Variants in SORT1 observed in about 807,000 individuals in gnomAD.
SORT1 encodes the protein sortilin 1.
SORT1 carries 39 observed loss-of-function variants against 101.7 expected under a neutral mutation model. The observed-to-expected ratio is 0.38, with a 90% CI of 0.30 to 0.50. The LOEUF is 0.50. SORT1 is among the 20% of genes least tolerant of loss of function. The pLI, the probability that SORT1 is intolerant of heterozygous loss-of-function variation, is 0.90. For missense variants in SORT1, 878 were observed against 1,040.4 expected (o/e 0.84, Z 2.15); for synonymous variants, 396 against 393.7 (o/e 1.01, Z -0.07).
chr1:109,316,797 A>T, intron 17 of SORT1, 53 bp downstream of exon 17: 3 of 1,154,634 alleles, frequency 2.6e-6, no homozygotes, highest in South Asian at 2.7e-5. Context: ...GATTTTTCTT[A>T]GCAGAACACA....
At chr1:109,315,987 T>C (rs1040039090) in intron 17 of SORT1, among the ~76,000 whole-genome samples, 1 of 151,878 alleles carries the variant, frequency 6.6e-6, no homozygotes, top group Non-Finnish European at 1.5e-5. Flanking sequence ...CTCCAATTCA[T>C]AGCCTCAACT....
In SORT1 at chr1:109,392,773, G is replaced by A. The variant is rs150217072; in HGVS notation, c.306+4814C>T. Reference sequence around the variant, plus strand: ...AAGTCATTTTAACATCCCTCTAGGGGCTAAAGGTCTGACTATACATTGCAT... The same window carrying A: ...AAGTCATTTTAACATCCCTCTAGGGACTAAAGGTCTGACTATACATTGCAT... On this transcript the variant is annotated intron_variant, in intron 1 of 19. Transcript: ENST00000256637. 42 of 984,132 alleles carry A rather than the reference G, an allele frequency of 4.3e-5. No individual in the cohort carries two copies. The East Asian group carries it at 3.2e-3, about 74-fold the overall frequency. 61.0% of individuals were successfully genotyped at this position (984,132 alleles called of 1,614,324 possible).
intron 1 of SORT1, among the ~76,000 whole-genome samples, chr1:109,378,725 T>G (rs1652023127): frequency 1.4e-5 from 1 of 71,950 alleles, no homozygotes; most frequent in African/African-American, 6.4e-5. Flanking sequence ...TATATATATA[T>G]ATATATATAT....
intron 11 of SORT1, among the ~76,000 whole-genome samples, chr1:109,331,756 G>C (rs931297781): frequency 8.6e-5 from 13 of 151,994 alleles, no homozygotes; most frequent in African/African-American, 2.9e-4. Flanking sequence ...TCTGTCTGCA[G>C]GTGACATGAG....
Position 109,312,783 on chromosome 1 carries a change from G to C in SORT1, c.*1260C>G, listed in dbSNP as rs1189690195. 6.6e-6 allele frequency: 1 copy of C among 152,080 alleles called. No individual in the cohort carries two copies. Among genetic ancestry groups the C allele is most frequent in the Admixed American group, 6.6e-5 (1 of 15,252 alleles). The allele number at this position is 152,080 out of a possible 1,614,324, so 9.4% of individuals were successfully genotyped here. On this transcript the variant is annotated 3_prime_UTR_variant, in exon 20 of 20. Transcript: ENST00000256637. Reference sequence around the variant, plus strand: ...TCTATAATTTATTTAATTTAGAGAGGTATCAAATGGAAAACTTCTTTTAAT... The same window carrying C: ...TCTATAATTTATTTAATTTAGAGAGCTATCAAATGGAAAACTTCTTTTAAT...
intron 14 of SORT1, 73 bp downstream of exon 14, chr1:109,324,826 A>G: frequency 9.7e-7 from 1 of 1,029,906 alleles, no homozygotes; most frequent in South Asian, 1.6e-5. Flanking sequence ...GCTAAAAGAA[A>G]TTAAACCATA....
intron 1 of SORT1, among the ~76,000 whole-genome samples, chr1:109,373,033 C>T (rs1453719510): frequency 6.6e-6 from 1 of 151,830 alleles, no homozygotes; most frequent in Non-Finnish European, 1.5e-5. Flanking sequence ...CTAGCCTGTG[C>T]GACAGGGCAA....
intron 15 of SORT1, among the ~76,000 whole-genome samples, chr1:109,319,037 C>T (rs1647440146): frequency 1.3e-5 from 2 of 152,192 alleles, no homozygotes; most frequent in Admixed American, 6.5e-5. Flanking sequence ...CTCAGCCTCC[C>T]GAAGTATTGG....
rs1188914351 is a variant in SORT1 at position 109,354,578 on chromosome 1, G to C, written c.544-47C>G. 2.1e-6 allele frequency: 3 copies of C among 1,416,926 alleles called. No homozygotes were observed. In the African/African-American group the frequency reaches 4.3e-5, roughly 20 times the overall value. 87.8% of individuals were successfully genotyped at this position (1,416,926 alleles called of 1,614,324 possible). On this transcript the variant is annotated intron_variant, in intron 4 of 19. Coordinates refer to ENST00000256637, the MANE Select transcript of SORT1 (RefSeq NM_002959.7). ...TGATTCAGGGTATGATACTATCTATGCAAGCACAGGAGTTCTTACACCATT... is the reference window on the plus strand; with the variant it reads ...TGATTCAGGGTATGATACTATCTATCCAAGCACAGGAGTTCTTACACCATT...
At position 109,340,705 on chromosome 1, in the gene SORT1, C is replaced by G. The variant is rs556508437; in HGVS notation, c.1264+19G>C. On this transcript the variant is annotated intron_variant, in intron 10 of 19. Transcript: ENST00000256637. Reference sequence around the variant, plus strand: ...ATGCAGCTGAAGGCACAGTACACCACTGCGATGCCGAGACTCACCTTCGGA... The same window carrying G: ...ATGCAGCTGAAGGCACAGTACACCAGTGCGATGCCGAGACTCACCTTCGGA... The G allele has an allele frequency of 3.7e-6, 6 of 1,613,796 alleles. No individual in the cohort carries two copies. In the Admixed American group the frequency reaches 5.0e-5, roughly 13 times the overall value.
At chr1:109,364,810 G>C (rs1180164174) in intron 3 of SORT1, among the ~76,000 whole-genome samples, 1 of 152,220 alleles carries the variant, frequency 6.6e-6, no homozygotes, top group Non-Finnish European at 1.5e-5. Context: ...TGGCATGGCA[G>C]CAACTAACAG....
Position 109,326,171 on chromosome 1 carries a change from C to T in SORT1, c.1643+821G>A, listed in dbSNP as rs183582373. Among the ~76,000 whole-genome samples, 43 of 149,576 alleles carry T rather than the reference C, an allele frequency of 2.9e-4. 1 individual carries two copies. In the East Asian group the frequency reaches 6.1e-3, roughly 21 times the overall value. ...CAGGTGATCCTCCCACCTCGGCCTC[C>T]CAAGTAGCTGGAACCAAAGGCGTGC... is the stretch of plus-strand genomic sequence containing the variant. On this transcript the variant is annotated intron_variant, in intron 13 of 19. Coordinates refer to ENST00000256637, the MANE Select transcript of SORT1 (RefSeq NM_002959.7).
At chr1:109,315,919 G>A (rs1476560795) in intron 17 of SORT1, among the ~76,000 whole-genome samples, 5 of 150,282 alleles carry the variant, frequency 3.3e-5, no homozygotes, top group East Asian at 2.0e-4. Flanking sequence ...CACCACATCC[G>A]GCTAATTTTT....
rs950159057 is a variant in SORT1 at position 109,315,139 on chromosome 1, G to A, written c.2251-361C>T. 4.6e-5 allele frequency among the ~76,000 whole-genome samples: 7 copies of A among 152,326 alleles called. No individual in the cohort carries two copies. In the South Asian group the frequency reaches 1.0e-3, roughly 23 times the overall value. On this transcript the variant is annotated intron_variant, in intron 17 of 19. Coordinates refer to ENST00000256637, the MANE Select transcript of SORT1 (RefSeq NM_002959.7). Reference sequence around the variant, plus strand: ...GTAGGAAAGGGAGACTACTGTAACAGTAGGCTGAATGACTCTAGAACAGGG... The same window carrying A: ...GTAGGAAAGGGAGACTACTGTAACAATAGGCTGAATGACTCTAGAACAGGG...
chr1:109,397,523 G>T lies in SORT1; in HGVS notation c.306+64C>A, dbSNP rs1014731780. The T allele has an allele frequency of 3.5e-5, 37 of 1,042,366 alleles. No homozygotes were observed. In the Middle Eastern group the frequency reaches 1.3e-3, roughly 37 times the overall value. 64.6% of individuals were successfully genotyped at this position (1,042,366 alleles called of 1,614,324 possible). ...CCTCCGGGAGTCGCGGGGCGCACGG[G>T]CCGGGAGGGGCACGCGGGCGGCACC... is the stretch of plus-strand genomic sequence containing the variant. On this transcript the variant is annotated intron_variant, in intron 1 of 19. Coordinates refer to ENST00000256637, the MANE Select transcript of SORT1 (RefSeq NM_002959.7).
At chr1:109,388,345 C>T (rs1308884101) in intron 1 of SORT1, among the ~76,000 whole-genome samples, 1 of 152,090 alleles carries the variant, frequency 6.6e-6, no homozygotes, top group Non-Finnish European at 1.5e-5. Context: ...CTCAAGTGAT[C>T]CCCTCACCTC....
chr1:109,390,799 G>GTGA (rs1652867504), intron 1 of SORT1, among the ~76,000 whole-genome samples: 2 of 69,382 alleles, frequency 2.9e-5, no homozygotes, highest in South Asian at 4.1e-4. Flanking sequence ...GTGTGTGTGT[G>GTGA]CGCGCGCGCG....
At chr1:109,396,492 C>A (rs1180397534) in intron 1 of SORT1, among the ~76,000 whole-genome samples, 3 of 152,168 alleles carry the variant, frequency 2.0e-5, no homozygotes, top group African/African-American at 7.2e-5. Context: ...AGCTGCTGCT[C>A]GGGATACACT....
intron 2 of SORT1, among the ~76,000 whole-genome samples, chr1:109,369,124 C>A (rs1289485411): frequency 1.3e-5 from 2 of 152,116 alleles, no homozygotes; most frequent in African/African-American, 4.8e-5. Flanking sequence ...CGTTCAAGAC[C>A]AGCCTGGCCA....
Sources: allele counts gnomAD v4.1 joint callset (sites outside exome capture counted in the v4.1 genomes callset), GRCh38; gene constraint gnomAD v4.1.1; transcripts MANE v1.5; gene names NCBI Gene and HGNC (gene_info 2026-07-23, HGNC 2026-07-21).